BCAS3: variants seen among roughly 807,000 people sequenced by gnomAD.
The protein encoded by BCAS3 is BCAS4/BCAS3 fusion.
In BCAS3, 53 loss-of-function variants were observed where a neutral mutation model predicts 116.1. The observed-to-expected ratio is 0.46, with a 90% CI of 0.37 to 0.57. BCAS3 has a LOEUF of 0.57. Among genes scored for constraint, BCAS3 ranks in the 20% least tolerant of loss-of-function variants. The probability of loss-of-function intolerance (pLI) is 0.00; values close to 1 mark genes in which losing one functional copy is unlikely to be tolerated. For missense variants in BCAS3, 917 were observed against 1,165.4 expected (o/e 0.79, Z 3.10); for synonymous variants, 391 against 408.2 (o/e 0.96, Z 0.51).
chr17:61,026,882 G>A lies in BCAS3; in HGVS notation c.1638-7784G>A, dbSNP rs2066284053. ...TCCATGAAGGCCTTATCTCTTTGGAGCGGGGTGTTTTTCCATAAAAGCCCC... is the reference window on the plus strand; with the variant it reads ...TCCATGAAGGCCTTATCTCTTTGGAACGGGGTGTTTTTCCATAAAAGCCCC... On this transcript the variant is annotated intron_variant, in intron 16 of 23. Coordinates refer to ENST00000407086, the MANE Select transcript of BCAS3 (RefSeq NM_017679.5). This position sits in a 1 kb window ranked among gnomAD's most constrained non-coding sequence, Gnocchi z 5.0. 6.2e-7 allele frequency: 1 copy of A among 1,601,082 alleles called. No homozygotes were observed.
In BCAS3 at chr17:61,056,759, A is replaced by C. The variant is rs2069429972; in HGVS notation, c.2029+15867A>C. Among the ~76,000 whole-genome samples the C allele has an allele frequency of 6.6e-6, 1 of 152,210 alleles. No homozygotes were observed. The highest frequency in any genetic ancestry group is 2.4e-5 in the African/African-American group (1 of 41,448). ...AACAAAATGGTTTTCCTATTAAGTGATGTACTACTGCATGCTCTCAGATAT... is the reference window on the plus strand; with the variant it reads ...AACAAAATGGTTTTCCTATTAAGTGCTGTACTACTGCATGCTCTCAGATAT... On this transcript the variant is annotated intron_variant, in intron 19 of 23. Transcript: ENST00000407086. This position sits in a 1 kb window ranked among gnomAD's most constrained non-coding sequence, Gnocchi z 4.9.
chr17:61,325,046 T>C lies in BCAS3; in HGVS notation c.2426-43281T>C, dbSNP rs1374945117. Among the ~76,000 whole-genome samples the C allele has an allele frequency of 6.6e-6, 1 of 152,194 alleles. No individual in the cohort carries two copies. The highest frequency in any genetic ancestry group is 1.5e-5 in the Non-Finnish European group (1 of 68,042). On this transcript the variant is annotated intron_variant, in intron 22 of 23. Coordinates refer to ENST00000407086, the MANE Select transcript of BCAS3 (RefSeq NM_017679.5). This position sits in a 1 kb window ranked among gnomAD's most constrained non-coding sequence, Gnocchi z 6.4. ...CTGAAAATTCTTCTCTTAAAACCATTTCCACTAGAGGCCATCCCACCATGC... is the reference window on the plus strand; with the variant it reads ...CTGAAAATTCTTCTCTTAAAACCATCTCCACTAGAGGCCATCCCACCATGC...
At chr17:61,328,567 G>GACCA (rs1346194703) in intron 22 of BCAS3, among the ~76,000 whole-genome samples, 4 of 152,258 alleles carry the variant, frequency 2.6e-5, no homozygotes, top group Non-Finnish European at 5.9e-5. Context: ...AGGAGTTCAA[G>GACCA]ACCAGCCTGG....
At chr17:60,701,292 G>A (rs1203368336) in intron 4 of BCAS3, among the ~76,000 whole-genome samples, 1 of 152,072 alleles carries the variant, frequency 6.6e-6, no homozygotes, top group African/African-American at 2.4e-5. Flanking sequence ...ATGAAATCAA[G>A]TCGAGGAAGA....
At chr17:61,137,143 A>G (rs1411154715) in intron 22 of BCAS3, among the ~76,000 whole-genome samples, 1 of 152,160 alleles carries the variant, frequency 6.6e-6, no homozygotes. Context: ...TGCCAAATAT[A>G]TATATCTTAT....
chr17:61,317,755 G>A (rs1490730772), intron 22 of BCAS3, among the ~76,000 whole-genome samples: 2 of 152,170 alleles, frequency 1.3e-5, no homozygotes, highest in African/African-American at 4.8e-5. Context: ...TCAAGGCAAG[G>A]GCCCAATACC....
chr17:61,312,565 A>G (rs2054398325), intron 22 of BCAS3, among the ~76,000 whole-genome samples: 1 of 152,144 alleles, frequency 6.6e-6, no homozygotes, highest in Non-Finnish European at 1.5e-5. Flanking sequence ...TTGAACAAAC[A>G]TATGTATTGT....
intron 22 of BCAS3, among the ~76,000 whole-genome samples, chr17:61,108,232 C>T (rs1294947947): frequency 1.3e-5 from 2 of 152,078 alleles, no homozygotes; most frequent in African/African-American, 2.4e-5. Context: ...GGTAGCCACC[C>T]CCACTTTCCT....
chr17:61,223,151 CTTT>C (rs34499099), intron 22 of BCAS3, among the ~76,000 whole-genome samples: 52 of 79,088 alleles, frequency 6.6e-4, no homozygotes, highest in African/African-American at 2.0e-3. Context: ...GATGCAGCGC[CTTT>C]TTTTTTTTTT....
chr17:61,251,586 A>G lies in BCAS3; in HGVS notation c.2426-116741A>G, dbSNP rs887402143. ...ACTCCACCTCAAAAAAAAAAAAAAG[A>G]AAAGAAAGACTGGATCCTGGTCCAT... On this transcript the variant is annotated intron_variant, in intron 22 of 23. Transcript: ENST00000407086. This position sits in a 1 kb window ranked among gnomAD's most constrained non-coding sequence, Gnocchi z 4.7. Among the ~76,000 whole-genome samples, 14 of 151,148 alleles carry G rather than the reference A, an allele frequency of 9.3e-5. No individual in the cohort carries two copies. The highest frequency in any genetic ancestry group is 3.2e-4 in the African/African-American group (13 of 41,174).
Position 61,056,575 on chromosome 17 carries a change from C to T in BCAS3, c.2029+15683C>T, listed in dbSNP as rs3785868. 6.6e-6 allele frequency among the ~76,000 whole-genome samples: 1 copy of T among 151,722 alleles called. No individual in the cohort carries two copies. Among genetic ancestry groups the T allele is most frequent in the East Asian group, 1.9e-4 (1 of 5,180 alleles). On this transcript the variant is annotated intron_variant, in intron 19 of 23. Coordinates refer to ENST00000407086, the MANE Select transcript of BCAS3 (RefSeq NM_017679.5). This position sits in a 1 kb window ranked among gnomAD's most constrained non-coding sequence, Gnocchi z 4.9. ...ATGCAGGCTTTGTATTAACAAAGCCCTATTCCCCTTAGAACTTACTGATGT... is the reference window on the plus strand; with the variant it reads ...ATGCAGGCTTTGTATTAACAAAGCCTTATTCCCCTTAGAACTTACTGATGT...
chr17:60,796,697 T>C (rs538070768), intron 6 of BCAS3, among the ~76,000 whole-genome samples: 23 of 152,266 alleles, frequency 1.5e-4, no homozygotes, highest in Admixed American at 5.2e-4. Flanking sequence ...TGTATTTTTT[T>C]CCCCAATTTC....
intron 22 of BCAS3, among the ~76,000 whole-genome samples, chr17:61,137,810 A>G (rs1231768118): frequency 6.6e-6 from 1 of 152,238 alleles, no homozygotes; most frequent in Non-Finnish European, 1.5e-5. Context: ...AATTATCAGT[A>G]GAACAGCCCA....
At chr17:60,817,242 A>G (rs1325632831) in intron 7 of BCAS3, among the ~76,000 whole-genome samples, 1 of 152,210 alleles carries the variant, frequency 6.6e-6, no homozygotes, top group Non-Finnish European at 1.5e-5. Context: ...AAGCTCTTGG[A>G]AAGGGATAAT....
intron 7 of BCAS3, among the ~76,000 whole-genome samples, chr17:60,866,496 A>G (rs1313119500): frequency 6.6e-6 from 1 of 152,102 alleles, no homozygotes; most frequent in Non-Finnish European, 1.5e-5. Flanking sequence ...ACAAGCATAT[A>G]TTTTATTTTC....
At chr17:61,009,714 T>G (rs1440897265) in intron 15 of BCAS3, among the ~76,000 whole-genome samples, 1 of 152,022 alleles carries the variant, frequency 6.6e-6, no homozygotes, top group African/African-American at 2.4e-5. Context: ...CTTTAATATT[T>G]AACATAATCT....
chr17:61,037,223 GTCCATACATTATTCCTTT>G lies in BCAS3; in HGVS notation c.1763-663_1763-646del, dbSNP rs1268304859. ...GTACATGCAGGGTAACTAAATCCTAGTCCATACATTATTCCTTTTCAGTTAGTCCATTTCCTGATATCA... is the reference window on the plus strand; with the variant it reads ...GTACATGCAGGGTAACTAAATCCTAGTCAGTTAGTCCATTTCCTGATATCA... On this transcript the variant is annotated intron_variant, in intron 17 of 23. Coordinates refer to ENST00000407086, the MANE Select transcript of BCAS3 (RefSeq NM_017679.5). The surrounding 1 kb of genome is among the most constrained non-coding windows in gnomAD (Gnocchi z 4.7). Among the ~76,000 whole-genome samples the G allele has an allele frequency of 4.6e-5, 7 of 152,274 alleles. No individual in the cohort carries two copies. The highest frequency in any genetic ancestry group is 1.7e-4 in the African/African-American group (7 of 41,544).
At chr17:60,810,368 C>T (rs1020197214) in intron 7 of BCAS3, 3 of 443,278 alleles carry the variant, frequency 6.8e-6, no homozygotes, top group East Asian at 1.1e-4. Context: ...GTGGGGATGG[C>T]GGGGGGTCTG....
rs950404276 is a variant in BCAS3 at position 61,391,890 on chromosome 17, C to T, written c.2594-87C>T. ...GGACACAAGTGAACCCAGAATGGTG[C>T]CTCAAGGCAGGCAGCCTGGCCCAGA... On this transcript the variant is annotated intron_variant, in intron 23 of 23. Coordinates refer to ENST00000407086, the MANE Select transcript of BCAS3 (RefSeq NM_017679.5). This position sits in a 1 kb window ranked among gnomAD's most constrained non-coding sequence, Gnocchi z 7.7. 2.8e-6 allele frequency: 4 copies of T among 1,452,596 alleles called. No individual in the cohort carries two copies. Among genetic ancestry groups the T allele is most frequent in the African/African-American group, 2.8e-5 (2 of 71,474 alleles). The allele number at this position is 1,452,596 out of a possible 1,614,324, so 90.0% of individuals were successfully genotyped here.
Sources: gnomAD v4.1 joint callset for allele counts (sites outside exome capture counted in the v4.1 genomes callset) on GRCh38, gnomAD v4.1.1 for gene constraint, Gnocchi (gnomAD v3.1) non-coding constraint, MANE v1.5 for transcripts, NCBI Gene and HGNC (gene_info 2026-07-23, HGNC 2026-07-21) for gene names.